Variants in KIAA1217 observed in about 807,000 individuals in gnomAD.
KIAA1217 encodes the protein sickle tail protein homolog.
Under a neutral mutation model 163.9 loss-of-function variants are expected in KIAA1217, and 88 were observed. That is an observed-to-expected ratio of 0.54 (90% confidence interval 0.45 to 0.64). KIAA1217 has a LOEUF of 0.64. Ranked by LOEUF, KIAA1217 falls within the 30% of genes least tolerant of loss-of-function variation. The pLI is 0.00. For missense variants in KIAA1217, 2,372 were observed against 2,475.0 expected, an observed-to-expected ratio of 0.96 and a Z score of 0.88; for synonymous variants, 903 against 923.1, an observed-to-expected ratio of 0.98 and a Z score of 0.39.
intron 3 of KIAA1217, among the ~76,000 whole-genome samples, chr10:24,420,759 A>G (rs1411602948): frequency 6.6e-6 from 1 of 152,144 alleles, no homozygotes; most frequent in Non-Finnish European, 1.5e-5. Context: ...AATTTTCCCG[A>G]CACTATTTAT....
intron 1 of KIAA1217, among the ~76,000 whole-genome samples, chr10:23,728,941 G>C (rs576761236): frequency 6.6e-6 from 1 of 152,152 alleles, no homozygotes; most frequent in South Asian, 2.1e-4. Flanking sequence ...AATATCCTCC[G>C]TGCTGCATCT....
intron 2 of KIAA1217, among the ~76,000 whole-genome samples, chr10:24,053,709 A>T (rs1849681552): frequency 6.6e-6 from 1 of 152,252 alleles, no homozygotes; most frequent in African/African-American, 2.4e-5. Context: ...AAAGTTAAAA[A>T]TAAGTAAAAC....
At chr10:23,827,877 C>G (rs1837975532) in intron 1 of KIAA1217, among the ~76,000 whole-genome samples, 1 of 152,072 alleles carries the variant, frequency 6.6e-6, no homozygotes, top group East Asian at 1.9e-4. Context: ...GTGACTTCCC[C>G]TGGGGGGAGG....
chr10:24,083,725 A>G (rs1197231858), intron 2 of KIAA1217, among the ~76,000 whole-genome samples: 1 of 152,200 alleles, frequency 6.6e-6, no homozygotes, highest in Non-Finnish European at 1.5e-5. Flanking sequence ...AAGTAAAATA[A>G]AATTATAAAA....
At chr10:24,467,347 AC>A (rs2063058947) in intron 5 of KIAA1217, among the ~76,000 whole-genome samples, 1 of 152,216 alleles carries the variant, frequency 6.6e-6, no homozygotes, top group Non-Finnish European at 1.5e-5. Context: ...CTTTCTAAGA[AC>A]TGGAAGAACT....
intron 15 of KIAA1217, 30 bp downstream of exon 15, chr10:24,532,023 C>T: frequency 6.8e-7 from 1 of 1,465,360 alleles, no homozygotes; most frequent in Non-Finnish European, 9.1e-7. Context: ...GGTAAACTGG[C>T]CTCTGGGTTC....
At chr10:23,779,065 A>G (rs574540510) in intron 1 of KIAA1217, among the ~76,000 whole-genome samples, 105 of 152,236 alleles carry the variant, frequency 6.9e-4, no homozygotes, top group South Asian at 2.1e-3. Context: ...TTTTCATTCA[A>G]TGTTTTTATA....
chr10:23,983,013 G>T (rs1389864631), intron 1 of KIAA1217, among the ~76,000 whole-genome samples: 2 of 152,018 alleles, frequency 1.3e-5, no homozygotes, highest in Non-Finnish European at 2.9e-5. Context: ...TTGGGTTCAG[G>T]TTTGCTGCAG....
chr10:24,531,769 C>T, intron 14 of KIAA1217, 61 bp from the exon 15 acceptor site: 1 of 1,460,064 alleles, frequency 6.8e-7, no homozygotes, highest in Non-Finnish European at 9.2e-7. Flanking sequence ...AGCAATATAC[C>T]AGACTTTCTG....
chr10:24,362,581 G>C (rs934095027), intron 2 of KIAA1217, among the ~76,000 whole-genome samples: 3 of 152,172 alleles, frequency 2.0e-5, no homozygotes, highest in African/African-American at 4.8e-5. Context: ...GTAATACAAA[G>C]AGCTTTTCAT....
chr10:24,454,380 C>T (rs965351122), intron 5 of KIAA1217, among the ~76,000 whole-genome samples: 2 of 152,166 alleles, frequency 1.3e-5, no homozygotes, highest in Admixed American at 1.3e-4. Context: ...CTTTCCTTTT[C>T]TTCTTTTCTT....
intron 2 of KIAA1217, among the ~76,000 whole-genome samples, chr10:24,129,163 G>A (rs1589604913): frequency 1.3e-5 from 2 of 152,134 alleles, no homozygotes; most frequent in Non-Finnish European, 2.9e-5. Context: ...AGTTCTACCC[G>A]AAGGTTTTTG....
intron 1 of KIAA1217, among the ~76,000 whole-genome samples, chr10:23,762,160 A>T (rs1039679403): frequency 2.0e-5 from 3 of 152,172 alleles, no homozygotes; most frequent in African/African-American, 7.2e-5. Context: ...CCAGGACCAG[A>T]TGGATTCATA....
rs147746974 is a variant in KIAA1217 at position 24,465,238 on chromosome 10, C to T, written c.847-7990C>T. Among the ~76,000 whole-genome samples the T allele has an allele frequency of 1.7e-4, 26 of 152,310 alleles. 1 individual carries two copies. Among genetic ancestry groups the T allele is most frequent in the African/African-American group, 5.8e-4 (24 of 41,574 alleles). On this transcript the variant is annotated intron_variant, in intron 5 of 20. Coordinates refer to ENST00000376454, the MANE Select transcript of KIAA1217 (RefSeq NM_019590.5). ...CTTCCACATTCCTTCTACTGTTTTCCGACCTCTTAGGTGGCATCTGTTACA... is the reference window on the plus strand; with the variant it reads ...CTTCCACATTCCTTCTACTGTTTTCTGACCTCTTAGGTGGCATCTGTTACA...
intron 3 of KIAA1217, among the ~76,000 whole-genome samples, chr10:24,394,489 A>G (rs2055438192): frequency 6.6e-6 from 1 of 152,086 alleles, no homozygotes; most frequent in African/African-American, 2.4e-5. Flanking sequence ...GTTTATTAAG[A>G]ATCGATTTGG....
intron 1 of KIAA1217, among the ~76,000 whole-genome samples, chr10:23,729,460 G>C (rs555131610): frequency 4.6e-5 from 7 of 152,292 alleles, no homozygotes; most frequent in African/African-American, 1.7e-4. Flanking sequence ...GCTAGCATTT[G>C]GTGGTGTCAG....
chr10:24,090,261 G>T (rs1172251698), intron 2 of KIAA1217, among the ~76,000 whole-genome samples: 2 of 137,264 alleles, frequency 1.5e-5, no homozygotes, highest in Admixed American at 1.5e-4. Flanking sequence ...TGAACTCCTG[G>T]TTTCACACAA....
rs530582255 is a variant in KIAA1217, at chr10:24,444,170, T to C, written c.846+5691T>C. On this transcript the variant is annotated intron_variant, in intron 5 of 20. Coordinates refer to ENST00000376454, the MANE Select transcript of KIAA1217 (RefSeq NM_019590.5). The stretch of plus-strand genomic sequence containing the variant: ...GGACTACAGGTGCACACCACCACTC[T>C]TGGCACATTTTTGTATTTTTTACTA... Among the ~76,000 whole-genome samples, 291 of 152,164 alleles carry C rather than the reference T, an allele frequency of 1.9e-3. 2 individuals carry two copies. The highest frequency in any genetic ancestry group is 6.5e-3 in the African/African-American group (269 of 41,544).
chr10:24,191,205 T>G lies in KIAA1217; in HGVS notation c.-170-28421T>G, dbSNP rs144441550. On this transcript the variant is annotated intron_variant, in intron 2 of 18. Transcript: ENST00000376462. ...AAAAAAATAAAAAACAAAAGATCAG[T>G]CACCTTGTACCACATTGTCTAATTT... 2.6e-3 allele frequency among the ~76,000 whole-genome samples: 395 copies of G among 152,196 alleles called. 2 individuals are homozygous for G. Among genetic ancestry groups the G allele is most frequent in the African/African-American group, 9.2e-3 (384 of 41,532 alleles).
Sources: gnomAD v4.1 joint callset for allele counts (sites outside exome capture counted in the v4.1 genomes callset) on GRCh38, gnomAD v4.1.1 for gene constraint, MANE v1.5 for transcripts, NCBI Gene and HGNC (gene_info 2026-07-23, HGNC 2026-07-21) for gene names.